The following OSBPL11 variants were observed in gnomAD, a reference collection of about 807,000 sequenced individuals.
The protein encoded by OSBPL11 is oxysterol binding protein like 11, also known as oxysterol-binding protein-related protein 11.
In OSBPL11, 33 loss-of-function variants were observed where a neutral mutation model predicts 84.4. The ratio of observed to expected loss-of-function variants is 0.39; its 90% CI spans 0.30 to 0.52. OSBPL11 has a LOEUF of 0.52. Among genes scored for constraint, OSBPL11 ranks in the 20% least tolerant of loss-of-function variants. The probability of loss-of-function intolerance (pLI) is 0.72; values close to 1 mark genes in which losing one functional copy is unlikely to be tolerated. For missense variants in OSBPL11, 736 were observed against 901.1 expected (o/e 0.82, Z 2.35); for synonymous variants, 276 against 310.2 (o/e 0.89, Z 1.16).
chr3:125,594,966 T>G lies in OSBPL11; in HGVS notation c.-166A>C, dbSNP rs1327326968. 4.5e-6 allele frequency: 3 copies of G among 672,268 alleles called. No individual in the cohort carries two copies. Among genetic ancestry groups the G allele is most frequent in the Non-Finnish European group, 7.3e-6 (3 of 410,054 alleles). The allele number at this position is 672,268 out of a possible 1,614,324, so 41.6% of individuals were successfully genotyped here. A position where few individuals can be genotyped will look rare whatever the true frequency, so the allele number is the denominator to read the frequency against. ...ATGGTCCAGAAAAGGAAGATACACATTCCCACAGAAGTTAAACTTTTGAGA... is the reference window on the plus strand; with the variant it reads ...ATGGTCCAGAAAAGGAAGATACACAGTCCCACAGAAGTTAAACTTTTGAGA... On this transcript the variant is annotated 5_prime_UTR_variant, in exon 1 of 13. The change abolishes an upstream ATG in the 5' untranslated region. Transcript: ENST00000296220.
chr3:125,553,852 TTC>T (rs773422486), intron 8 of OSBPL11, among the ~76,000 whole-genome samples: 2 of 152,214 alleles, frequency 1.3e-5, no homozygotes, highest in East Asian at 3.8e-4. Flanking sequence ...TAATTTCACT[TTC>T]TGTCGAAATT....
chr3:125,570,404 C>A (rs1331739921), intron 5 of OSBPL11, among the ~76,000 whole-genome samples: 1 of 151,406 alleles, frequency 6.6e-6, no homozygotes, highest in East Asian at 1.9e-4. Context: ...GTAATCCCAG[C>A]TACTTGGGAG....
rs546849242 is a variant in OSBPL11, at chr3:125,533,975, T to C, written c.2025-1961A>G. 9.2e-5 allele frequency among the ~76,000 whole-genome samples: 14 copies of C among 152,288 alleles called. No individual in the cohort carries two copies. The South Asian group carries it at 2.5e-3, about 27-fold the overall frequency. ...CTGAGTAGCTGGCATTACAGGCACA[T>C]GCCATCACATCCAACTAATTTTTAT... On this transcript the variant is annotated intron_variant, in intron 11 of 12. Transcript: ENST00000296220.
intron 5 of OSBPL11, among the ~76,000 whole-genome samples, chr3:125,570,808 A>G (rs574153772): frequency 2.0e-5 from 3 of 152,184 alleles, no homozygotes; most frequent in South Asian, 4.2e-4. Flanking sequence ...AGTCCATCCA[A>G]CCTCTTTTTC....
At chr3:125,577,729 T>C (rs1936347752) in intron 4 of OSBPL11, among the ~76,000 whole-genome samples, 1 of 151,982 alleles carries the variant, frequency 6.6e-6, no homozygotes, top group African/African-American at 2.4e-5. Flanking sequence ...CTTGGGAGGC[T>C]GTGGCAGGAG....
At chr3:125,555,734 G>A (rs1935982448) in intron 8 of OSBPL11, among the ~76,000 whole-genome samples, 1 of 152,038 alleles carries the variant, frequency 6.6e-6, no homozygotes, top group Non-Finnish European at 1.5e-5. Flanking sequence ...ACCCAGGCTG[G>A]AGTGCAGTGG....
In OSBPL11 at chr3:125,530,202, T is replaced by C. The variant is rs1338791707; in HGVS notation, c.*313A>G. On this transcript the variant is annotated 3_prime_UTR_variant, in exon 13 of 13. Coordinates refer to ENST00000296220, the MANE Select transcript of OSBPL11 (RefSeq NM_022776.5). Reference sequence around the variant, plus strand: ...CATTGTTGTGTGTATCTGCTGCCCCTGTGCAAAAATAGGGGATTCAAACTT... The same window carrying C: ...CATTGTTGTGTGTATCTGCTGCCCCCGTGCAAAAATAGGGGATTCAAACTT... The C allele has an allele frequency of 1.3e-5, 4 of 305,642 alleles. No individual in the cohort carries two copies. The East Asian group carries it at 1.8e-4, about 14-fold the overall frequency. The allele number at this position is 305,642 out of a possible 1,614,324, so 18.9% of individuals were successfully genotyped here.
chr3:125,552,867 C>T (rs1000868465), intron 8 of OSBPL11, among the ~76,000 whole-genome samples, 188 bp from the exon 9 acceptor site: 1 of 152,220 alleles, frequency 6.6e-6, no homozygotes, highest in African/African-American at 2.4e-5. Flanking sequence ...CCTATAATCA[C>T]AGCACTTTGG....
intron 4 of OSBPL11, 53 bp from the exon 5 acceptor site, chr3:125,576,418 C>A: frequency 7.0e-7 from 1 of 1,426,342 alleles, no homozygotes; most frequent in South Asian, 1.4e-5. Context: ...TTTAGGATTT[C>A]TAACCATCAA....
chr3:125,582,023 A>G (rs952894368), intron 2 of OSBPL11, among the ~76,000 whole-genome samples: 1 of 152,180 alleles, frequency 6.6e-6, no homozygotes, highest in Admixed American at 6.6e-5. Flanking sequence ...AACTCTAAAA[A>G]GTTTTAAACT....
At position 125,589,991 on chromosome 3, in the gene OSBPL11, T is replaced by C. The variant is rs1206702739; in HGVS notation, c.164+4646A>G. ...TCTTTCAGTTCCTCTTTTGAATAGTTCTCTTCTGCCCATTTTAATAAGCAG... is the reference window on the plus strand; with the variant it reads ...TCTTTCAGTTCCTCTTTTGAATAGTCCTCTTCTGCCCATTTTAATAAGCAG... On this transcript the variant is annotated intron_variant, in intron 1 of 12. Coordinates refer to ENST00000296220, the MANE Select transcript of OSBPL11 (RefSeq NM_022776.5). Among the ~76,000 whole-genome samples the C allele has an allele frequency of 2.0e-5, 3 of 152,332 alleles. No homozygotes were observed. The East Asian group carries it at 5.8e-4, about 29-fold the overall frequency.
At chr3:125,582,483 T>G (rs1936443957) in intron 2 of OSBPL11, among the ~76,000 whole-genome samples, 1 of 152,214 alleles carries the variant, frequency 6.6e-6, no homozygotes, top group African/African-American at 2.4e-5. Context: ...GATAGCTGGT[T>G]TTCCTGCTTC....
intron 12 of OSBPL11, among the ~76,000 whole-genome samples, 196 bp from the exon 13 acceptor site, chr3:125,530,776 T>C (rs1269266219): frequency 6.6e-6 from 1 of 152,182 alleles, no homozygotes. Flanking sequence ...TGAGAAGACA[T>C]GGTATGGGAG....
At chr3:125,589,481 T>C (rs910969722) in intron 1 of OSBPL11, among the ~76,000 whole-genome samples, 1 of 152,026 alleles carries the variant, frequency 6.6e-6, no homozygotes, top group Admixed American at 6.6e-5. Context: ...TTTGGAATAA[T>C]ATTTTATAGT....
chr3:125,532,763 G>A (rs902546935), intron 11 of OSBPL11, among the ~76,000 whole-genome samples: 1 of 116,594 alleles, frequency 8.6e-6, no homozygotes, highest in Non-Finnish European at 1.8e-5. Context: ...GAAAATAAAT[G>A]TCCATACAAA....
chr3:125,570,735 G>T (rs772037199), intron 5 of OSBPL11, among the ~76,000 whole-genome samples: 3 of 152,154 alleles, frequency 2.0e-5, no homozygotes, highest in Non-Finnish European at 2.9e-5. Flanking sequence ...CATGTAAGAC[G>T]TGACTTGCTC....
rs1175486161 is a variant in OSBPL11 at position 125,552,517 on chromosome 3, G to A, written c.1318C>T (p.Arg440Cys). ...GGTTTTTTAGCAATGGCTCCCTTAC[G>A]GCCTTCATGAAATGAGGTAAGGTAG... ...EYYLTSFHEG[R>C]KGAIAKKPYN... Residue 440 changes from arginine (R) to cysteine (C), a missense_variant, in exon 9 of 13, where the codon CGT becomes TGT. By Grantham distance (180) the Arg-to-Cys change is radical (BLOSUM62 -3). Coordinates refer to ENST00000296220, the MANE Select transcript of OSBPL11 (RefSeq NM_022776.5). 3.7e-6 allele frequency: 6 copies of A among 1,614,070 alleles called. No homozygotes were observed. The highest frequency in any genetic ancestry group is 2.2e-5 in the East Asian group (1 of 44,864).
chr3:125,590,407 G>A (rs767716892), intron 1 of OSBPL11, among the ~76,000 whole-genome samples: 16 of 152,126 alleles, frequency 1.1e-4, no homozygotes, highest in East Asian at 1.9e-4. Flanking sequence ...AAAATCAGCC[G>A]GGTGTGGTGG....
chr3:125,554,389 A>G, intron 8 of OSBPL11, among the ~76,000 whole-genome samples: 1 of 152,196 alleles, frequency 6.6e-6, no homozygotes, highest in East Asian at 1.9e-4. Context: ...TTCTTCTGGG[A>G]AATTTGACTA....
Sources: allele counts gnomAD v4.1 joint callset (sites outside exome capture counted in the v4.1 genomes callset), GRCh38; gene constraint gnomAD v4.1.1; transcripts MANE v1.5; gene names NCBI Gene and HGNC (gene_info 2026-07-23, HGNC 2026-07-21).